Variants in HIVEP1 observed in about 807,000 individuals in gnomAD.
HIVEP1 encodes HIVEP zinc finger 1.
A neutral mutation model predicts 180.0 loss-of-function variants in HIVEP1; 36 were observed. The ratio of observed to expected loss-of-function variants is 0.20; its 90% CI spans 0.15 to 0.26. The LOEUF is 0.26. Ranked by LOEUF, HIVEP1 falls within the 10% of genes least tolerant of loss-of-function variation. The pLI is 1.00. For synonymous variants in HIVEP1, 1,239 were observed against 1,239.0 expected, an observed-to-expected ratio of 1.00 and a Z score of 0.00; for missense variants, 3,143 against 3,268.7, an observed-to-expected ratio of 0.96 and a Z score of 0.94.
intron 3 of HIVEP1, among the ~76,000 whole-genome samples, chr6:12,098,454 C>CTGAGTATT (rs1266987495): frequency 6.6e-6 from 1 of 152,092 alleles, no homozygotes; most frequent in Non-Finnish European, 1.5e-5. Flanking sequence ...TGCCATATAT[C>CTGAGTATT]TGAGTATTTT....
chr6:12,057,313 A>G (rs949567405), intron 2 of HIVEP1, among the ~76,000 whole-genome samples: 1 of 152,238 alleles, frequency 6.6e-6, no homozygotes, highest in Admixed American at 6.5e-5. Flanking sequence ...ATCAACAGAT[A>G]GTAAAAATAT....
intron 2 of HIVEP1, among the ~76,000 whole-genome samples, chr6:12,088,179 C>T (rs1773226346): frequency 6.6e-6 from 1 of 152,034 alleles, no homozygotes; most frequent in Non-Finnish European, 1.5e-5. Context: ...AGTAGGATAC[C>T]ATATTGGAGG....
intron 2 of HIVEP1, among the ~76,000 whole-genome samples, chr6:12,066,882 G>GTGTA (rs1554137900): frequency 1.9e-4 from 28 of 151,324 alleles, no homozygotes; most frequent in African/African-American, 4.1e-4. Flanking sequence ...GTGTGTGTGT[G>GTGTA]TATATATATA....
intron 2 of HIVEP1, among the ~76,000 whole-genome samples, chr6:12,081,404 A>G (rs1219951783): frequency 6.6e-6 from 1 of 152,100 alleles, no homozygotes; most frequent in African/African-American, 2.4e-5. Context: ...TTTTCTTTGT[A>G]GACAGCGATG....
At chr6:12,042,120 G>A (rs183189779) in intron 2 of HIVEP1, among the ~76,000 whole-genome samples, 2 of 146,020 alleles carry the variant, frequency 1.4e-5, no homozygotes, top group Admixed American at 6.8e-5. Flanking sequence ...TCGCCAAGGC[G>A]GGACTGCGGA....
At chr6:12,153,571 C>CAAA (rs3070558) in intron 7 of HIVEP1, among the ~76,000 whole-genome samples, 24 of 94,622 alleles carry the variant, frequency 2.5e-4, no homozygotes, top group African/African-American at 8.7e-4. Flanking sequence ...GTAAGAAATG[C>CAAA]AAAAAAAAAA....
intron 2 of HIVEP1, among the ~76,000 whole-genome samples, chr6:12,040,446 G>A (rs140934923): frequency 4.6e-5 from 7 of 152,124 alleles, no homozygotes; most frequent in South Asian, 4.2e-4. Context: ...TTTTAAATAC[G>A]TAACTATAGA....
At chr6:12,208,276 T>G in the HIVEP1 span, among the ~76,000 whole-genome samples, 1 of 152,198 alleles carries the variant, frequency 6.6e-6, no homozygotes, top group Non-Finnish European at 1.5e-5. Flanking sequence ...GTGATGACTT[T>G]GTTTTGTACA....
In HIVEP1 at chr6:12,164,946, G is replaced by A; in HGVS notation, c.*485G>A. On this transcript the variant is annotated 3_prime_UTR_variant, in exon 9 of 9. Coordinates refer to ENST00000379388, the MANE Select transcript of HIVEP1 (RefSeq NM_002114.4). ...TGTAAGACAGTAACTTTACACTTCA[G>A]ACAGATTTTCTGTGTTATGAAATGT... The A allele has an allele frequency of 3.1e-6, 1 of 327,108 alleles. No homozygotes were observed. Among genetic ancestry groups the A allele is most frequent in the Non-Finnish European group, 5.9e-6 (1 of 169,218 alleles). 20.3% of individuals were successfully genotyped at this position (327,108 alleles called of 1,614,324 possible).
intron 2 of HIVEP1, among the ~76,000 whole-genome samples, chr6:12,022,892 C>G (rs1380565017): frequency 2.6e-5 from 4 of 152,174 alleles, no homozygotes; most frequent in Non-Finnish European, 4.4e-5. Context: ...TGGGAATATT[C>G]TTACCAATGT....
In HIVEP1 at chr6:12,121,445, A is replaced by G. The variant is rs761828844; in HGVS notation, c.1650A>G (p.Arg550=). The change falls in exon 4 of 9, where the codon AGA becomes AGG. Residue 550 remains arginine, a synonymous_variant. Coordinates refer to ENST00000379388, the MANE Select transcript of HIVEP1 (RefSeq NM_002114.4). The surrounding 1 kb of genome is among the most constrained non-coding windows in gnomAD (Gnocchi z 5.3). ...TAGGTGACTTTTTGCTACAGGACAG[A>G]TCTGCAGAATCACAAGCTGTGACAG... ...NVIGDFLLQD[R]SAESQAVTEL... The G allele has an allele frequency of 2.4e-5, 39 of 1,614,052 alleles. No homozygotes were observed. The East Asian group carries it at 8.2e-4, about 34-fold the overall frequency.
chr6:12,205,664 G>A, the HIVEP1 span, among the ~76,000 whole-genome samples: 6 of 152,072 alleles, frequency 3.9e-5, no homozygotes, highest in Non-Finnish European at 5.9e-5. Flanking sequence ...CCCTTGAGTC[G>A]TTATAAGGGT....
At chr6:12,065,093 A>G (rs576843562) in intron 2 of HIVEP1, among the ~76,000 whole-genome samples, 41 of 152,338 alleles carry the variant, frequency 2.7e-4, no homozygotes, top group African/African-American at 7.9e-4. Context: ...GGATGCAACT[A>G]AATGCCAAAT....
At chr6:12,144,166 T>G (rs563625600) in intron 7 of HIVEP1, among the ~76,000 whole-genome samples, 5 of 152,332 alleles carry the variant, frequency 3.3e-5, no homozygotes, top group African/African-American at 1.2e-4. Flanking sequence ...AGCATGGTAC[T>G]GGTACCAAAA....
intron 5 of HIVEP1, 67 bp downstream of exon 5, chr6:12,129,959 T>C (rs1407515821): frequency 4.4e-6 from 5 of 1,139,480 alleles, no homozygotes; most frequent in Middle Eastern, 3.0e-4. Context: ...TTTGCTTTCA[T>C]GTGAATGAAG....
rs776789665 is a variant in HIVEP1 at position 12,130,906 on chromosome 6, C to T, written c.6349C>T (p.His2117Tyr). Residue 2117 changes from histidine (H) to tyrosine (Y), a missense_variant, in exon 6 of 9, where the codon CAC (histidine) becomes TAC (tyrosine). His to Tyr is a moderately conservative substitution (Grantham distance 83). Coordinates refer to ENST00000379388, the MANE Select transcript of HIVEP1 (RefSeq NM_002114.4). ...AACCCATACAGATGTCCGCCCCTAC[C>T]ACTGCACTTACTGTAACTTCTCCTT... ...IRTHTDVRPY[H>Y]CTYCNFSFKT... 1 of 1,611,372 alleles carries T rather than the reference C, an allele frequency of 6.2e-7. No homozygotes were observed. The highest frequency in any genetic ancestry group is 1.7e-5 in the Admixed American group (1 of 59,918).
intron 7 of HIVEP1, among the ~76,000 whole-genome samples, chr6:12,151,557 A>G (rs1367576602): frequency 1.3e-5 from 2 of 152,342 alleles, no homozygotes; most frequent in Middle Eastern, 3.4e-3. Context: ...CATTCTAATC[A>G]TATACAGTAC....
intron 2 of HIVEP1, among the ~76,000 whole-genome samples, chr6:12,021,999 G>A (rs921519929): frequency 1.3e-5 from 2 of 152,132 alleles, no homozygotes; most frequent in African/African-American, 4.8e-5. Flanking sequence ...CTAGAGGGTT[G>A]AGATGATTTA....
chr6:12,074,077 G>C (rs1252080787), intron 2 of HIVEP1, among the ~76,000 whole-genome samples: 1 of 152,208 alleles, frequency 6.6e-6, no homozygotes, highest in Non-Finnish European at 1.5e-5. Context: ...ATTGTTTACT[G>C]TATGTTATAG....
Sources: allele counts gnomAD v4.1 joint callset (sites outside exome capture counted in the v4.1 genomes callset), GRCh38; gene constraint gnomAD v4.1.1; non-coding constraint Gnocchi (gnomAD v3.1); transcripts MANE v1.5; gene names NCBI Gene and HGNC (gene_info 2026-07-23, HGNC 2026-07-21).